Variants in GNG2 observed in about 807,000 individuals in gnomAD.
GNG2 encodes the protein G protein subunit gamma 2.
GNG2 carries 5 observed loss-of-function variants against 5.5 expected under a neutral mutation model. The observed-to-expected ratio is 0.91, with a 90% confidence interval of 0.48 to 1.92. The LOEUF (loss-of-function observed/expected upper bound fraction) is 1.92, where lower values mean the gene tolerates loss of function less well. Among genes scored for constraint, GNG2 ranks in the 30% most tolerant of loss-of-function variants. The pLI is 0.01. For synonymous variants in GNG2, 28 were observed against 32.0 expected (o/e 0.88, Z 0.42); for missense variants, 55 against 88.4 (o/e 0.62, Z 1.52).
At chr14:51,945,129 C>CAAA (rs763915000) in intron 2 of GNG2, among the ~76,000 whole-genome samples, 108 of 114,338 alleles carry the variant, frequency 9.4e-4, no homozygotes, top group African/African-American at 2.8e-3. Context: ...ACAAAACAAA[C>CAAA]AAACAAAAAA....
chr14:51,839,226 G>A (rs1034027435), intron 2 of GNG2, among the ~76,000 whole-genome samples: 1 of 152,198 alleles, frequency 6.6e-6, no homozygotes, highest in Non-Finnish European at 1.5e-5. Context: ...ACATTTTAGG[G>A]AGACATGAGA....
intron 2 of GNG2, among the ~76,000 whole-genome samples, chr14:51,899,039 C>T (rs1361757956): frequency 6.6e-6 from 1 of 152,160 alleles, no homozygotes; most frequent in Non-Finnish European, 1.5e-5. Context: ...TTCTGGGACC[C>T]CCATCTCTAC....
chr14:51,881,564 T>A (rs1419878837), intron 2 of GNG2, among the ~76,000 whole-genome samples: 1 of 152,202 alleles, frequency 6.6e-6, no homozygotes, highest in Non-Finnish European at 1.5e-5. Flanking sequence ...CCTCATCCCT[T>A]ACATTTCTGT....
chr14:51,834,850 A>T (rs750192164), intron 2 of GNG2, among the ~76,000 whole-genome samples: 1 of 152,190 alleles, frequency 6.6e-6, no homozygotes, highest in Non-Finnish European at 1.5e-5. Flanking sequence ...CATTCGATTT[A>T]TTTGTGCTAT....
At chr14:51,859,348 A>G (rs1371616700), upstream of GNG2, among the ~76,000 whole-genome samples, 1 of 152,206 alleles carries the variant, frequency 6.6e-6, no homozygotes, top group African/African-American at 2.4e-5. Context: ...AATGACTCAC[A>G]CGTTGAATAA....
intron 1 of GNG2, among the ~76,000 whole-genome samples, chr14:51,869,870 C>T (rs17252644): frequency 0.3 from 45,199 of 152,052 alleles, 7,570 homozygotes; most frequent in Non-Finnish European, 0.38. Flanking sequence ...ACTCACAACT[C>T]ACATGCTATA....
Position 51,875,947 on chromosome 14 carries a change from C to CTTTTTTCTTTTTT in GNG2, c.-70-1663_-70-1662insTTTTTTTTTTTTC, listed in dbSNP as rs1555350572. ...TTTTTCATCATTTAAACATTTTTTT[C>CTTTTTTCTTTTTT]TTTTTTCCGAGACAGACTCTCACTC... On this transcript the variant is annotated intron_variant, in intron 1 of 3. Transcript: ENST00000556766. Among the ~76,000 whole-genome samples, 151 of 141,158 alleles carry CTTTTTTCTTTTTT rather than the reference C, an allele frequency of 1.1e-3. 3 individuals carry two copies. Among genetic ancestry groups the CTTTTTTCTTTTTT allele is most frequent in the African/African-American group, 3.3e-3 (125 of 37,518 alleles). The allele number at this position is 141,158 out of a possible 152,430, so 92.6% of individuals were successfully genotyped here.
chr14:51,833,560 C>A (rs10498435), intron 2 of GNG2, among the ~76,000 whole-genome samples: 7 of 152,068 alleles, frequency 4.6e-5, no homozygotes, highest in Non-Finnish European at 1.0e-4. Flanking sequence ...GTCCAGATGC[C>A]TCTTCAAAAG....
intron 2 of GNG2, among the ~76,000 whole-genome samples, chr14:51,920,469 ACCAT>A (rs1419622853): frequency 2.0e-5 from 3 of 152,042 alleles, no homozygotes; most frequent in African/African-American, 7.2e-5. Flanking sequence ...TACAGACGTA[ACCAT>A]CCATTTTTTC....
At chr14:51,959,315 A>G (rs1433624671) in intron 3 of GNG2, among the ~76,000 whole-genome samples, 1 of 152,168 alleles carries the variant, frequency 6.6e-6, no homozygotes. Flanking sequence ...CAATCTGTCT[A>G]AAACTGCATT....
At chr14:51,891,341 T>G (rs746392248) in intron 2 of GNG2, among the ~76,000 whole-genome samples, 1 of 152,264 alleles carries the variant, frequency 6.6e-6, no homozygotes, top group Non-Finnish European at 1.5e-5. Context: ...CGTAGCTTCA[T>G]AGGCATAAAG....
chr14:51,898,498 A>G (rs1417768951), intron 2 of GNG2, among the ~76,000 whole-genome samples: 2 of 152,236 alleles, frequency 1.3e-5, no homozygotes, highest in Admixed American at 6.5e-5. Flanking sequence ...AGCAAGTAAC[A>G]TGAAACAAAG....
chr14:51,913,828 A>G (rs1390148318), intron 2 of GNG2, among the ~76,000 whole-genome samples: 3 of 152,218 alleles, frequency 2.0e-5, no homozygotes, highest in South Asian at 2.1e-4. Context: ...AAAGTACTCT[A>G]TATTCTCCCT....
rs553077466 is a variant in GNG2, at chr14:51,867,913, A to G, written c.-71+7123A>G. Among the ~76,000 whole-genome samples, 12 of 151,360 alleles carry G rather than the reference A, an allele frequency of 7.9e-5. No homozygotes were observed. In the East Asian group the frequency reaches 2.3e-3, roughly 29 times the overall value. On this transcript the variant is annotated intron_variant, in intron 1 of 3. Transcript: ENST00000556766. ...GCAATCTGCATAATTTTTTTTTTTG[A>G]CCACACTCCAAGCTCTTTGAGGACA...
intron 2 of GNG2, chr14:51,914,384 C>T (rs1390782794): frequency 1.5e-6 from 1 of 650,374 alleles, no homozygotes; most frequent in Non-Finnish European, 2.8e-6. Context: ...ATCCTTTCTC[C>T]CTGAATCTTC....
chr14:51,935,262 T>C (rs1423609229), intron 2 of GNG2, among the ~76,000 whole-genome samples: 2 of 151,914 alleles, frequency 1.3e-5, no homozygotes, highest in Non-Finnish European at 2.9e-5. Context: ...CCTGACCTCC[T>C]GATCCGGCCG....
intron 2 of GNG2, among the ~76,000 whole-genome samples, chr14:51,949,115 C>T (rs372964299): frequency 6.4e-5 from 9 of 139,996 alleles, no homozygotes; most frequent in South Asian, 4.5e-4. Flanking sequence ...AGGCAGACTC[C>T]GTCTCAAAAA....
chr14:51,835,967 C>T (rs1881317849), intron 2 of GNG2, among the ~76,000 whole-genome samples: 1 of 151,222 alleles, frequency 6.6e-6, no homozygotes, highest in South Asian at 2.1e-4. Flanking sequence ...GTTCGGGATG[C>T]TATACAGAAC....
intron 2 of GNG2, among the ~76,000 whole-genome samples, chr14:51,939,477 G>T (rs979870166): frequency 1.3e-5 from 2 of 152,200 alleles, no homozygotes; most frequent in African/African-American, 4.8e-5. Flanking sequence ...CATTTCAAAT[G>T]ATGGCTTCTG....
Sources: gnomAD v4.1 joint callset for allele counts (sites outside exome capture counted in the v4.1 genomes callset) on GRCh38, gnomAD v4.1.1 for gene constraint, MANE v1.5 for transcripts, NCBI Gene and HGNC (gene_info 2026-07-23, HGNC 2026-07-21) for gene names.